The following TFCP2 variants were observed in gnomAD, a reference collection of about 807,000 sequenced individuals.
TFCP2 encodes the protein alpha-globin transcription factor CP2.
Under a neutral mutation model 73.4 loss-of-function variants are expected in TFCP2, and 33 were observed. The observed-to-expected ratio is 0.45, with a 90% CI of 0.34 to 0.60. The LOEUF is 0.60. Among genes scored for constraint, TFCP2 ranks in the 20% least tolerant of loss-of-function variants. The pLI is 0.01. For synonymous variants in TFCP2, 193 were observed against 211.6 expected, an observed-to-expected ratio of 0.91 and a Z score of 0.76; for missense variants, 352 against 604.0, an observed-to-expected ratio of 0.58 and a Z score of 4.37.
chr12:51,128,479 A>T (rs1476659558), intron 1 of TFCP2, among the ~76,000 whole-genome samples: 1 of 7,238 alleles, frequency 1.4e-4, no homozygotes, highest in East Asian at 3.6e-3. Flanking sequence ...GTATAATAAT[A>T]AAAAAAAAAA....
chr12:51,166,771 C>T (rs1941766503), intron 1 of TFCP2, among the ~76,000 whole-genome samples: 1 of 152,178 alleles, frequency 6.6e-6, no homozygotes, highest in African/African-American at 2.4e-5. Context: ...TTTCAGGGTG[C>T]CAGATTTGGG....
chr12:51,162,383 T>C (rs1255355054), intron 1 of TFCP2, among the ~76,000 whole-genome samples: 1 of 151,242 alleles, frequency 6.6e-6, no homozygotes, highest in African/African-American at 2.4e-5. Flanking sequence ...GAGGTGGAGG[T>C]TGCAGTGAGC....
chr12:51,134,852 A>G (rs1480446059), intron 1 of TFCP2, among the ~76,000 whole-genome samples: 1 of 152,248 alleles, frequency 6.6e-6, no homozygotes, highest in African/African-American at 2.4e-5. Context: ...CCTCATGCCT[A>G]TAATCCCAGC....
chr12:51,109,200 A>G lies in TFCP2; in HGVS notation c.638T>C (p.Ile213Thr), dbSNP rs1940332965. ...GTTTTCATTCTCCTTGAAGGTATCT[A>G]TTTGTACTCGGAATGGCACCCCCTT... ...GEKGVPFRVQ[I>T]DTFKENENGE... The change falls in exon 6 of 15, where the codon ATA (isoleucine) becomes ACA (threonine). Residue 213 changes from isoleucine to threonine, a missense_variant. By Grantham distance (89) the Ile-to-Thr change is moderately conservative. Coordinates refer to ENST00000257915, the MANE Select transcript of TFCP2 (RefSeq NM_005653.5). The G allele has an allele frequency of 7.4e-6, 12 of 1,614,138 alleles. No homozygotes were observed. The highest frequency in any genetic ancestry group is 8.5e-6 in the Non-Finnish European group (10 of 1,180,000).
chr12:51,109,691 C>T (rs1172223181), intron 5 of TFCP2, among the ~76,000 whole-genome samples: 1 of 150,446 alleles, frequency 6.6e-6, no homozygotes, highest in Non-Finnish European at 1.5e-5. Flanking sequence ...TGCTTGGCTA[C>T]TGCATAAAGT....
chr12:51,110,272 A>G (rs916681951), intron 5 of TFCP2, among the ~76,000 whole-genome samples: 6 of 152,064 alleles, frequency 3.9e-5, no homozygotes, highest in African/African-American at 7.2e-5. Context: ...AATAGTAAAA[A>G]ATCAGGCCAA....
chr12:51,102,138 A>G, intron 10 of TFCP2, 113 bp from the exon 11 acceptor site: 1 of 745,386 alleles, frequency 1.3e-6, no homozygotes, highest in South Asian at 1.7e-5. Context: ...ACAATCCATA[A>G]TTTTCTTCAT....
At chr12:51,163,037 T>C (rs1941681574) in intron 1 of TFCP2, 1 of 152,172 alleles carries the variant, frequency 6.6e-6, no homozygotes, top group Non-Finnish European at 1.5e-5. Flanking sequence ...TGGTGGCTCA[T>C]GCTTGTAATC....
chr12:51,125,377 T>A, intron 1 of TFCP2: 1 of 478,316 alleles, frequency 2.1e-6, no homozygotes, highest in Non-Finnish European at 4.1e-6. Context: ...CAAGCCAAAC[T>A]TACCGTGGAC....
intron 1 of TFCP2, among the ~76,000 whole-genome samples, chr12:51,163,859 C>T (rs1941699027): frequency 6.6e-6 from 1 of 151,968 alleles, no homozygotes; most frequent in Non-Finnish European, 1.5e-5. Context: ...ACAAACTGGA[C>T]CCAACCAAAG....
In TFCP2 at chr12:51,098,957, T is replaced by C. The variant is rs761615400; in HGVS notation, c.1277-39A>G. ...AGAGCAACAGCAGTCAGTACAAAGTTTGTCCACTCTTACAGGTAACTTGAT... is the reference window on the plus strand; with the variant it reads ...AGAGCAACAGCAGTCAGTACAAAGTCTGTCCACTCTTACAGGTAACTTGAT... On this transcript the variant is annotated intron_variant, in intron 12 of 14. Coordinates refer to ENST00000257915, the MANE Select transcript of TFCP2 (RefSeq NM_005653.5). 7.5e-6 allele frequency: 12 copies of C among 1,606,124 alleles called. No homozygotes were observed. The East Asian group carries it at 1.8e-4, about 24-fold the overall frequency.
At chr12:51,110,763 G>T in intron 5 of TFCP2, 114 bp downstream of exon 5, 1 of 750,852 alleles carries the variant, frequency 1.3e-6, no homozygotes, top group Non-Finnish European at 2.2e-6. Context: ...GGGCTTGACA[G>T]TCAGGCTAGA....
Position 51,163,736 on chromosome 12 carries a change from C to T in TFCP2, c.122+8565G>A, listed in dbSNP as rs553756721. Among the ~76,000 whole-genome samples, 4 of 148,430 alleles carry T rather than the reference C, an allele frequency of 2.7e-5. No individual in the cohort carries two copies. In the South Asian group the frequency reaches 8.6e-4, roughly 32 times the overall value. The stretch of plus-strand genomic sequence containing the variant: ...CATGAGCTCAAGACAAGCCTGGGCA[C>T]CATAGTGAAACCCCCATCTCTACAA... On this transcript the variant is annotated intron_variant, in intron 1 of 14. Coordinates refer to ENST00000257915, the MANE Select transcript of TFCP2 (RefSeq NM_005653.5).
intron 1 of TFCP2, among the ~76,000 whole-genome samples, chr12:51,130,033 C>G (rs977691844): frequency 6.6e-6 from 1 of 152,104 alleles, no homozygotes; most frequent in Non-Finnish European, 1.5e-5. Flanking sequence ...CATCTGTAAT[C>G]CCAGTTAATT....
At chr12:51,116,857 C>T (rs1353178362) in intron 3 of TFCP2, among the ~76,000 whole-genome samples, 1 of 152,136 alleles carries the variant, frequency 6.6e-6, no homozygotes, top group African/African-American at 2.4e-5. Context: ...CCTCAGGCGA[C>T]CCGCCCGCCT....
chr12:51,096,467 C>A (rs899857818), intron 13 of TFCP2, among the ~76,000 whole-genome samples: 17 of 152,312 alleles, frequency 1.1e-4, no homozygotes, highest in African/African-American at 3.8e-4. Flanking sequence ...AAGATAAAGG[C>A]ATGAGTTTCA....
At chr12:51,123,244 G>A (rs1324187389) in intron 1 of TFCP2, among the ~76,000 whole-genome samples, 1 of 152,186 alleles carries the variant, frequency 6.6e-6, no homozygotes, top group Non-Finnish European at 1.5e-5. Flanking sequence ...TCATCAAAGA[G>A]TTTAAGATCT....
At chr12:51,128,320 A>T (rs1207716738) in intron 1 of TFCP2, among the ~76,000 whole-genome samples, 1 of 152,134 alleles carries the variant, frequency 6.6e-6, no homozygotes. Context: ...ATAGGTTACT[A>T]AAAGAATAGT....
intron 1 of TFCP2, 22 bp downstream of exon 1, chr12:51,172,279 G>C: frequency 1.2e-6 from 2 of 1,613,552 alleles, no homozygotes; most frequent in Non-Finnish European, 1.7e-6. Context: ...GAAGGTGTAG[G>C]GTCTGGGAAA....
Sources: gnomAD v4.1 joint callset for allele counts (sites outside exome capture counted in the v4.1 genomes callset) on GRCh38, gnomAD v4.1.1 for gene constraint, MANE v1.5 for transcripts, NCBI Gene and HGNC (gene_info 2026-07-23, HGNC 2026-07-21) for gene names.